Variants in NELL1 observed in about 807,000 individuals in gnomAD.
NELL1 encodes neural EGFL like 1.
In NELL1, 76 loss-of-function variants were observed where a neutral mutation model predicts 107.4. The ratio of observed to expected loss-of-function variants is 0.71; its 90% CI spans 0.59 to 0.86. The LOEUF is 0.86. NELL1 is among the 40% of genes least tolerant of loss of function. The pLI is 0.00. For synonymous variants in NELL1, 353 were observed against 341.2 expected (o/e 1.03, Z -0.38); for missense variants, 1,024 against 1,005.5 (o/e 1.02, Z -0.25).
chr11:20,689,648 G>T (rs1854405661), intron 2 of NELL1, among the ~76,000 whole-genome samples: 2 of 148,048 alleles, frequency 1.4e-5, no homozygotes, highest in Non-Finnish European at 3.0e-5. Context: ...GTATTCCATG[G>T]TGTATATGTG....
intron 16 of NELL1, among the ~76,000 whole-genome samples, chr11:21,544,769 A>G (rs1306701435): frequency 2.6e-5 from 4 of 151,888 alleles, no homozygotes; most frequent in Non-Finnish European, 5.9e-5. Flanking sequence ...TTTGGTTTCT[A>G]TTATTATAAA....
intron 14 of NELL1, among the ~76,000 whole-genome samples, chr11:21,354,461 T>A (rs1850885521): frequency 6.6e-6 from 1 of 152,182 alleles, no homozygotes. Flanking sequence ...GATGTTCTGC[T>A]GAATCCTGGG....
chr11:20,985,700 G>A (rs1466039423), intron 12 of NELL1, among the ~76,000 whole-genome samples: 1 of 152,138 alleles, frequency 6.6e-6, no homozygotes, highest in Non-Finnish European at 1.5e-5. Flanking sequence ...TTTATCTGAA[G>A]AATAAACCCA....
At chr11:20,834,386 G>C (rs947966167) in intron 3 of NELL1, among the ~76,000 whole-genome samples, 1 of 152,296 alleles carries the variant, frequency 6.6e-6, no homozygotes, top group East Asian at 1.9e-4. Flanking sequence ...TGCGAGTATT[G>C]AGTTTGGGGT....
chr11:21,034,077 C>T (rs1036140599), intron 12 of NELL1, among the ~76,000 whole-genome samples: 1 of 152,046 alleles, frequency 6.6e-6, no homozygotes, highest in Non-Finnish European at 1.5e-5. Flanking sequence ...CATTATGAAA[C>T]CTTTGCCCAT....
intron 15 of NELL1, among the ~76,000 whole-genome samples, chr11:21,476,282 G>T (rs1854331221): frequency 6.6e-6 from 1 of 152,222 alleles, no homozygotes; most frequent in Non-Finnish European, 1.5e-5. Context: ...TTATTAAGAA[G>T]TGTTAGAGAA....
At chr11:21,213,187 G>T (rs1857539548) in intron 13 of NELL1, among the ~76,000 whole-genome samples, 1 of 151,910 alleles carries the variant, frequency 6.6e-6, no homozygotes, top group South Asian at 2.1e-4. Context: ...GGATCTGTAT[G>T]CTTAACATTT....
intron 3 of NELL1, among the ~76,000 whole-genome samples, chr11:20,826,718 G>A (rs1263217353): frequency 6.6e-6 from 1 of 151,030 alleles, no homozygotes; most frequent in Non-Finnish European, 1.5e-5. Flanking sequence ...CTTCCCTGAA[G>A]TTATTGCCAT....
intron 14 of NELL1, among the ~76,000 whole-genome samples, chr11:21,292,375 T>A (rs112566314): frequency 0.014 from 2,143 of 152,212 alleles, 60 homozygotes; most frequent in African/African-American, 0.049. Flanking sequence ...TTATGAGGGA[T>A]GTGAAGGACC....
intron 15 of NELL1, among the ~76,000 whole-genome samples, chr11:21,385,361 A>G (rs1228275813): frequency 6.6e-6 from 1 of 151,962 alleles, no homozygotes; most frequent in Non-Finnish European, 1.5e-5. Flanking sequence ...TAGTCTCTAA[A>G]GCCACAATAC....
intron 3 of NELL1, among the ~76,000 whole-genome samples, chr11:20,828,094 T>C (rs1857923792): frequency 6.6e-6 from 1 of 151,392 alleles, no homozygotes; most frequent in African/African-American, 2.4e-5. Flanking sequence ...ATCTTGGATC[T>C]ACCACTTACT....
intron 2 of NELL1, among the ~76,000 whole-genome samples, chr11:20,766,007 T>C (rs2133962964): frequency 6.6e-6 from 1 of 152,224 alleles, no homozygotes; most frequent in East Asian, 1.9e-4. Flanking sequence ...TTAGAGGCAA[T>C]TGGGGTCATT....
chr11:21,211,053 G>T (rs181553781), intron 13 of NELL1, among the ~76,000 whole-genome samples: 90 of 152,232 alleles, frequency 5.9e-4, no homozygotes, highest in Admixed American at 5.8e-3. Flanking sequence ...ATAAAGAAAA[G>T]AAATATGTGG....
chr11:21,224,332 T>G (rs965618701), intron 13 of NELL1, among the ~76,000 whole-genome samples: 1 of 152,028 alleles, frequency 6.6e-6, no homozygotes, highest in African/African-American at 2.4e-5. Context: ...AACCTTGACC[T>G]CCTGGGCTCA....
intron 4 of NELL1, among the ~76,000 whole-genome samples, chr11:20,852,862 G>A (rs1465659920): frequency 1.3e-5 from 2 of 152,304 alleles, no homozygotes; most frequent in African/African-American, 2.4e-5. Flanking sequence ...AGGAAGATAG[G>A]ACATATTCAT....
chr11:21,213,891 G>A (rs939624988), intron 13 of NELL1, among the ~76,000 whole-genome samples: 1 of 152,074 alleles, frequency 6.6e-6, no homozygotes, highest in South Asian at 2.1e-4. Flanking sequence ...AAAATTAGGA[G>A]AATATCTTTG....
chr11:21,368,187 G>A (rs1482615018), intron 14 of NELL1, among the ~76,000 whole-genome samples: 2 of 151,960 alleles, frequency 1.3e-5, no homozygotes, highest in African/African-American at 2.4e-5. Context: ...TTCAACTAGG[G>A]AATGATTTCT....
At chr11:20,730,825 C>G (rs1855622129) in intron 2 of NELL1, among the ~76,000 whole-genome samples, 1 of 152,176 alleles carries the variant, frequency 6.6e-6, no homozygotes, top group South Asian at 2.1e-4. Context: ...CCTGACTTCA[C>G]AGAGGCTGGA....
chr11:21,427,180 C>G (rs540865907), intron 15 of NELL1, among the ~76,000 whole-genome samples: 85 of 152,274 alleles, frequency 5.6e-4, no homozygotes, highest in African/African-American at 1.9e-3. Flanking sequence ...TATGTCTCAT[C>G]ACAACAGCCT....
Sources: allele counts gnomAD v4.1 joint callset (sites outside exome capture counted in the v4.1 genomes callset), GRCh38; gene constraint gnomAD v4.1.1; transcripts MANE v1.5; gene names NCBI Gene and HGNC (gene_info 2026-07-23, HGNC 2026-07-21).